GALNT18: variants seen among roughly 807,000 people sequenced by gnomAD.
The protein encoded by GALNT18 is GalNAc-transferase 18.
GALNT18 carries 44 observed loss-of-function variants against 69.5 expected under a neutral mutation model. The observed-to-expected ratio is 0.63, with a 90% CI of 0.50 to 0.81. The LOEUF (loss-of-function observed/expected upper bound fraction) is 0.81, where lower values mean the gene tolerates loss of function less well. Among genes scored for constraint, GALNT18 ranks in the 40% least tolerant of loss-of-function variants. GALNT18 has a pLI of 0.00. For synonymous variants in GALNT18, 364 were observed against 318.2 expected, an observed-to-expected ratio of 1.14 and a Z score of -1.53; for missense variants, 715 against 810.0, an observed-to-expected ratio of 0.88 and a Z score of 1.42.
intron 2 of GALNT18, 132 bp downstream of exon 2, chr11:11,448,612 G>T: frequency 1.5e-6 from 1 of 649,488 alleles, no homozygotes; most frequent in Non-Finnish European, 2.5e-6. Context: ...CAAGCCGAGG[G>T]GACAGGCCCT....
chr11:11,280,820 C>T (rs868679792), intron 10 of GALNT18, among the ~76,000 whole-genome samples: 1 of 152,164 alleles, frequency 6.6e-6, no homozygotes, highest in Admixed American at 6.5e-5. Flanking sequence ...GTGTGAAGCA[C>T]AGCCTCAAGT....
intron 10 of GALNT18, among the ~76,000 whole-genome samples, chr11:11,271,605 G>A (rs1392801324): frequency 6.6e-6 from 1 of 151,210 alleles, no homozygotes; most frequent in Non-Finnish European, 1.5e-5. Context: ...CCTACCCCAG[G>A]GGCTGGGTCC....
chr11:11,532,142 C>T (rs1857665841), intron 1 of GALNT18, among the ~76,000 whole-genome samples: 1 of 152,078 alleles, frequency 6.6e-6, no homozygotes, highest in Non-Finnish European at 1.5e-5. Context: ...CTCTACCTGG[C>T]CCAACAGCTC....
At chr11:11,321,831 C>T (rs559497184) in intron 9 of GALNT18, among the ~76,000 whole-genome samples, 1 of 152,332 alleles carries the variant, frequency 6.6e-6, no homozygotes, top group South Asian at 2.1e-4. Context: ...TCTCGAACTC[C>T]TGACCTCAGG....
intron 3 of GALNT18, among the ~76,000 whole-genome samples, chr11:11,427,997 A>T (rs1855171548): frequency 6.6e-6 from 1 of 152,194 alleles, no homozygotes; most frequent in Non-Finnish European, 1.5e-5. Context: ...AGAACATTTC[A>T]TCCCCACTTT....
At chr11:11,342,645 A>G (rs1416514098) in intron 6 of GALNT18, among the ~76,000 whole-genome samples, 2 of 152,224 alleles carry the variant, frequency 1.3e-5, no homozygotes, top group African/African-American at 4.8e-5. Context: ...ACCAATAGAA[A>G]GGAAACTAAC....
chr11:11,480,253 TC>T lies in GALNT18; in HGVS notation c.236-31318del, dbSNP rs1856496348. On this transcript the variant is annotated intron_variant, in intron 1 of 10. Transcript: ENST00000227756. The surrounding 1 kb of genome is among the most constrained non-coding windows in gnomAD (Gnocchi z 4.6). The stretch of plus-strand genomic sequence containing the variant: ...ATTTCTTTCTTTCTTCCTTCCTTCC[TC>T]TCTCTCTCTCTTTCTCTCTCTCTCG... 6.8e-6 allele frequency among the ~76,000 whole-genome samples: 1 copy of T among 148,008 alleles called. No homozygotes were observed. Among genetic ancestry groups the T allele is most frequent in the African/African-American group, 2.6e-5 (1 of 37,946 alleles).
chr11:11,521,349 G>A (rs759527499), intron 1 of GALNT18, among the ~76,000 whole-genome samples: 1 of 152,112 alleles, frequency 6.6e-6, no homozygotes, highest in Admixed American at 6.6e-5. Flanking sequence ...GGTGACTTAC[G>A]GTGTAAGCCC....
At chr11:11,280,287 A>G (rs1849043808) in intron 10 of GALNT18, among the ~76,000 whole-genome samples, 1 of 152,130 alleles carries the variant, frequency 6.6e-6, no homozygotes, top group Non-Finnish European at 1.5e-5. Context: ...GGGCCCTTGG[A>G]CAAGCCTAGG....
chr11:11,338,953 T>C lies in GALNT18; in HGVS notation c.1278+1866A>G, dbSNP rs1467404861. On this transcript the variant is annotated intron_variant, in intron 7 of 10. Coordinates refer to ENST00000227756, the MANE Select transcript of GALNT18 (RefSeq NM_198516.3). The surrounding 1 kb of genome is among the most constrained non-coding windows in gnomAD (Gnocchi z 5.3). ...GATTCAAGGAAAAGGTGAAATCCTATAGGTTAAAGACCTTAAAATGTCCAT... is the reference window on the plus strand; with the variant it reads ...GATTCAAGGAAAAGGTGAAATCCTACAGGTTAAAGACCTTAAAATGTCCAT... 1.3e-5 allele frequency among the ~76,000 whole-genome samples: 2 copies of C among 152,240 alleles called. No homozygotes were observed. The highest frequency in any genetic ancestry group is 6.8e-3 in the Middle Eastern group (2 of 294).
chr11:11,521,850 C>G (rs748470077), intron 1 of GALNT18, among the ~76,000 whole-genome samples: 1 of 152,170 alleles, frequency 6.6e-6, no homozygotes, highest in Non-Finnish European at 1.5e-5. Flanking sequence ...CCCAGGGCAG[C>G]CAGAGCCAAA....
At chr11:11,352,075 C>T (rs768125428) in intron 6 of GALNT18, 37 of 1,613,716 alleles carry the variant, frequency 2.3e-5, no homozygotes, top group East Asian at 4.5e-5. Context: ...ATCACATTGG[C>T]GCTGCTGACG....
At chr11:11,490,500 C>T (rs74865981) in intron 1 of GALNT18, among the ~76,000 whole-genome samples, 11 of 152,236 alleles carry the variant, frequency 7.2e-5, no homozygotes, top group African/African-American at 2.4e-4. Flanking sequence ...CAGTGTCTCA[C>T]ATGTATAATA....
chr11:11,414,504 C>G (rs1412145758), intron 3 of GALNT18, among the ~76,000 whole-genome samples: 1 of 152,190 alleles, frequency 6.6e-6, no homozygotes, highest in East Asian at 1.9e-4. Flanking sequence ...CTTTTCCATG[C>G]TCTTCACATG....
chr11:11,457,843 T>C (rs566480455), intron 1 of GALNT18, among the ~76,000 whole-genome samples: 5 of 152,362 alleles, frequency 3.3e-5, no homozygotes, highest in Admixed American at 1.3e-4. Context: ...GGCTAGCTTT[T>C]GTCCTGCAGC....
At position 11,497,327 on chromosome 11, in the gene GALNT18, A is replaced by ACAC. The variant is rs1856884058; in HGVS notation, c.236-48392_236-48391insGTG. Among the ~76,000 whole-genome samples the ACAC allele has an allele frequency of 7.6e-6, 1 of 132,228 alleles. No individual in the cohort carries two copies. Among genetic ancestry groups the ACAC allele is most frequent in the Non-Finnish European group, 1.6e-5 (1 of 63,204 alleles). 86.7% of individuals were successfully genotyped at this position (132,228 alleles called of 152,430 possible). ...TATTTATGTTTTACCTCCTGTCTCCAACACACACACACACACACACACACA... is the reference window on the plus strand; with the variant it reads ...TATTTATGTTTTACCTCCTGTCTCCACACACACACACACACACACACACACACA... On this transcript the variant is annotated intron_variant, in intron 1 of 10. Coordinates refer to ENST00000227756, the MANE Select transcript of GALNT18 (RefSeq NM_198516.3). This position sits in a 1 kb window ranked among gnomAD's most constrained non-coding sequence, Gnocchi z 4.2.
chr11:11,535,935 CTG>C (rs766515636), intron 1 of GALNT18, among the ~76,000 whole-genome samples: 24 of 152,172 alleles, frequency 1.6e-4, no homozygotes, highest in Non-Finnish European at 2.9e-4. Flanking sequence ...CCCAGAGAAG[CTG>C]TGTGAAATCA....
chr11:11,599,581 T>C (rs1406045385), intron 1 of GALNT18, among the ~76,000 whole-genome samples: 1 of 152,056 alleles, frequency 6.6e-6, no homozygotes, highest in Non-Finnish European at 1.5e-5. Flanking sequence ...TTGGATCATT[T>C]AATCCATTCA....
intron 3 of GALNT18, among the ~76,000 whole-genome samples, chr11:11,426,663 G>A (rs2403520): frequency 0.11 from 17,277 of 152,218 alleles, 1,448 homozygotes; most frequent in East Asian, 0.33. Flanking sequence ...AGTGAGCACA[G>A]TATGTCAGAA....
Sources: gnomAD v4.1 joint callset for allele counts (sites outside exome capture counted in the v4.1 genomes callset) on GRCh38, gnomAD v4.1.1 for gene constraint, Gnocchi (gnomAD v3.1) non-coding constraint, MANE v1.5 for transcripts, NCBI Gene and HGNC (gene_info 2026-07-23, HGNC 2026-07-21) for gene names.